Variants in CDH8 observed in about 807,000 individuals in gnomAD.
CDH8 encodes the protein cadherin 8, also known as cadherin-8.
In CDH8, 17 loss-of-function variants were observed where a neutral mutation model predicts 68.1. That is an observed-to-expected ratio of 0.25 (90% confidence interval 0.17 to 0.37). The LOEUF is 0.37. Among genes scored for constraint, CDH8 ranks in the 10% least tolerant of loss-of-function variants. The probability of loss-of-function intolerance (pLI) is 1.00; values close to 1 mark genes in which losing one functional copy is unlikely to be tolerated. For missense variants in CDH8, 763 were observed against 999.3 expected, an observed-to-expected ratio of 0.76 and a Z score of 3.19; for synonymous variants, 372 against 365.1, an observed-to-expected ratio of 1.02 and a Z score of -0.21.
chr16:61,906,463 C>A (rs1398432602), intron 2 of CDH8, among the ~76,000 whole-genome samples: 2 of 152,106 alleles, frequency 1.3e-5, no homozygotes, highest in Non-Finnish European at 2.9e-5. Flanking sequence ...ATACAGTAAG[C>A]CTTCAATTTC....
chr16:61,873,317 C>G (rs921192271), intron 3 of CDH8, among the ~76,000 whole-genome samples: 26 of 152,128 alleles, frequency 1.7e-4, no homozygotes, highest in Admixed American at 6.6e-4. Flanking sequence ...GGCTTTGTCT[C>G]TGAAAGGAAT....
intron 4 of CDH8, among the ~76,000 whole-genome samples, chr16:61,828,398 A>C (rs939900356): frequency 2.6e-5 from 4 of 151,914 alleles, no homozygotes; most frequent in Admixed American, 6.6e-5. Flanking sequence ...ACTTGCTTTC[A>C]CTATTCTACA....
chr16:61,710,987 A>G (rs1192700511), intron 10 of CDH8, among the ~76,000 whole-genome samples: 2 of 151,984 alleles, frequency 1.3e-5, no homozygotes, highest in Admixed American at 1.3e-4. Flanking sequence ...CAATATCTTG[A>G]CCATATTCAA....
intron 10 of CDH8, among the ~76,000 whole-genome samples, chr16:61,669,874 G>A (rs1208651793): frequency 1.3e-5 from 2 of 152,064 alleles, no homozygotes; most frequent in East Asian, 1.9e-4. Flanking sequence ...ACATTTTCTC[G>A]TTAGCGTTTT....
chr16:61,742,568 A>T (rs764256583), intron 8 of CDH8, among the ~76,000 whole-genome samples: 4 of 152,174 alleles, frequency 2.6e-5, no homozygotes, highest in Non-Finnish European at 5.9e-5. Flanking sequence ...ATGCATACTT[A>T]ACTTTTTCTG....
At chr16:61,988,471 T>TA (rs1179515854) in intron 2 of CDH8, among the ~76,000 whole-genome samples, 2 of 152,142 alleles carry the variant, frequency 1.3e-5, no homozygotes, top group Non-Finnish European at 2.9e-5. Context: ...TTGTAAATAT[T>TA]CTAGTAATAA....
chr16:61,674,956 A>C (rs1369973322), intron 10 of CDH8, among the ~76,000 whole-genome samples: 3 of 151,668 alleles, frequency 2.0e-5, no homozygotes, highest in Non-Finnish European at 4.4e-5. Flanking sequence ...AAAAAAAAAA[A>C]ACAAAAAAAC....
At position 61,772,324 on chromosome 16, in the gene CDH8, C is replaced by T. The variant is rs565675001; in HGVS notation, c.1414+17022G>A. ...TAATCTGATTTGTTAGTATCACTCA[C>T]GGTATGTCTTAATAGCAATTGGGTT... On this transcript the variant is annotated intron_variant, in intron 8 of 11. Coordinates refer to ENST00000577390, the MANE Select transcript of CDH8 (RefSeq NM_001796.5). Among the ~76,000 whole-genome samples, 8 of 152,030 alleles carry T rather than the reference C, an allele frequency of 5.3e-5. No individual in the cohort carries two copies. The South Asian group carries it at 6.2e-4, about 12-fold the overall frequency.
chr16:61,655,352 A>T (rs1963417157), intron 11 of CDH8, 118 bp downstream of exon 11: 1 of 956,316 alleles, frequency 1.0e-6, no homozygotes, highest in African/African-American at 1.7e-5. Flanking sequence ...AAGGAAAGGA[A>T]GTTCCTCTTC....
At chr16:61,676,431 TTAG>T (rs1213566385) in intron 10 of CDH8, among the ~76,000 whole-genome samples, 1 of 152,000 alleles carries the variant, frequency 6.6e-6, no homozygotes, top group African/African-American at 2.4e-5. Flanking sequence ...TTAACATTAC[TTAG>T]TGGTGCTTCT....
intron 3 of CDH8, among the ~76,000 whole-genome samples, chr16:61,878,051 A>C (rs558458687): frequency 1.3e-5 from 2 of 152,324 alleles, no homozygotes; most frequent in Non-Finnish European, 2.9e-5. Context: ...CACAGAACTG[A>C]CCATCTAGAC....
intron 2 of CDH8, among the ~76,000 whole-genome samples, chr16:61,921,857 C>T (rs893776435): frequency 3.9e-5 from 6 of 152,192 alleles, no homozygotes; most frequent in South Asian, 2.1e-4. Context: ...TGGTGAAACC[C>T]CATCTCTACT....
chr16:61,788,112 A>G (rs1028021873), intron 8 of CDH8, among the ~76,000 whole-genome samples: 2 of 151,772 alleles, frequency 1.3e-5, no homozygotes, highest in African/African-American at 4.8e-5. Flanking sequence ...AGAAACAAAC[A>G]TTCTTCACTC....
intron 8 of CDH8, among the ~76,000 whole-genome samples, chr16:61,739,884 C>T (rs1596919094): frequency 3.9e-5 from 4 of 101,472 alleles, no homozygotes; most frequent in South Asian, 3.8e-4. Context: ...CAACATATTC[C>T]ATATATATAT....
Position 61,846,525 on chromosome 16 carries a change from T to G in CDH8, c.667+10594A>C, listed in dbSNP as rs1193091238. Among the ~76,000 whole-genome samples, 10 of 152,264 alleles carry G rather than the reference T, an allele frequency of 6.6e-5. No individual in the cohort carries two copies. The East Asian group carries it at 1.9e-3, about 29-fold the overall frequency. ...AGGTGTTTAGAGTACCTGTCTTCTT[T>G]TCCTTTGTCCAGACTCCTCTACATT... On this transcript the variant is annotated intron_variant, in intron 4 of 11. Coordinates refer to ENST00000577390, the MANE Select transcript of CDH8 (RefSeq NM_001796.5).
chr16:61,758,714 A>G (rs761882934), intron 8 of CDH8, among the ~76,000 whole-genome samples: 2 of 152,156 alleles, frequency 1.3e-5, no homozygotes, highest in Non-Finnish European at 2.9e-5. Context: ...TTGAAAATAT[A>G]TATTTTTTGA....
Position 61,648,699 on chromosome 16 carries a change from T to C in CDH8, c.*4909A>G, listed in dbSNP as rs759617545. 3.9e-5 allele frequency: 6 copies of C among 151,932 alleles called. No homozygotes were observed. Among genetic ancestry groups the C allele is most frequent in the Non-Finnish European group, 8.8e-5 (6 of 67,910 alleles). The allele number at this position is 151,932 out of a possible 1,614,324, so 9.4% of individuals were successfully genotyped here. A position where few individuals can be genotyped will look rare whatever the true frequency, so the allele number is the denominator to read the frequency against. Reference sequence around the variant, plus strand: ...AAATAAGTTTGAGAATGCTACTGTATTTAATCTTTCTGTATCAACCATGTA... The same window carrying C: ...AAATAAGTTTGAGAATGCTACTGTACTTAATCTTTCTGTATCAACCATGTA... On this transcript the variant is annotated 3_prime_UTR_variant, in exon 12 of 12. Transcript: ENST00000577390.
intron 10 of CDH8, among the ~76,000 whole-genome samples, chr16:61,657,484 G>T (rs985739455): frequency 6.6e-6 from 1 of 152,054 alleles, no homozygotes; most frequent in Non-Finnish European, 1.5e-5. Flanking sequence ...TTCTAATGGA[G>T]TTAAGCAGTT....
chr16:61,825,976 T>C (rs956500310), intron 4 of CDH8, among the ~76,000 whole-genome samples: 2 of 151,902 alleles, frequency 1.3e-5, no homozygotes, highest in African/African-American at 4.8e-5. Flanking sequence ...GATCCAAAAT[T>C]TTCTTAGATC....
Sources: allele counts gnomAD v4.1 joint callset (sites outside exome capture counted in the v4.1 genomes callset), GRCh38; gene constraint gnomAD v4.1.1; transcripts MANE v1.5; gene names NCBI Gene and HGNC (gene_info 2026-07-23, HGNC 2026-07-21).